CPAP: variants seen among roughly 807,000 people sequenced by gnomAD.
CPAP encodes centrosome assembly and centriole elongation protein.
At chr13:24,904,018 A>C in the CPAP span, 1 of 1,614,078 alleles carries the variant, frequency 6.2e-7, no homozygotes, top group South Asian at 1.1e-5. Flanking sequence ...TTTCCAATTC[A>C]ATAATTTTCT....
chr13:24,904,309 A>G, the CPAP span, among the ~76,000 whole-genome samples: 2 of 152,222 alleles, frequency 1.3e-5, no homozygotes, highest in Non-Finnish European at 2.9e-5. Flanking sequence ...AACATGATAC[A>G]TAAAAAGAAA....
At chr13:24,888,636 C>T in the CPAP span, among the ~76,000 whole-genome samples, 2 of 152,150 alleles carry the variant, frequency 1.3e-5, no homozygotes, top group African/African-American at 2.4e-5. Flanking sequence ...GCTGACATGG[C>T]CTGGCATCTT....
chr13:24,902,822 C>T, the CPAP span, among the ~76,000 whole-genome samples: 1 of 152,162 alleles, frequency 6.6e-6, no homozygotes, highest in Admixed American at 6.5e-5. Flanking sequence ...GGGTGAATTT[C>T]AGCATTTGCA....
the CPAP span, among the ~76,000 whole-genome samples, chr13:24,909,469 A>C: frequency 6.6e-6 from 1 of 150,906 alleles, no homozygotes; most frequent in African/African-American, 2.4e-5. Context: ...CAGAGGTTGC[A>C]GTGAGCTGAG....
At chr13:24,893,170 G>A in the CPAP span, among the ~76,000 whole-genome samples, 1 of 152,178 alleles carries the variant, frequency 6.6e-6, no homozygotes, top group Non-Finnish European at 1.5e-5. Context: ...GCTATTAACT[G>A]AAAGGGATCC....
the CPAP span, chr13:24,882,403 T>A: frequency 2.0e-5 from 3 of 152,190 alleles, no homozygotes; most frequent in African/African-American, 7.2e-5. Flanking sequence ...TGTAATTATT[T>A]ATTATATAAA....
At chr13:24,920,490 A>G in the CPAP span, among the ~76,000 whole-genome samples, 89 of 152,302 alleles carry the variant, frequency 5.8e-4, no homozygotes, top group African/African-American at 2.1e-3. Flanking sequence ...TGCCAATGTG[A>G]TGTACATTTT....
the CPAP span, among the ~76,000 whole-genome samples, chr13:24,932,231 G>A: frequency 6.6e-6 from 1 of 152,244 alleles, no homozygotes; most frequent in Admixed American, 6.5e-5. Context: ...CTTTCTTTGA[G>A]GGAGGCTGTT....
the CPAP span, chr13:24,885,423 C>CTCTT: frequency 7.0e-7 from 1 of 1,428,322 alleles, no homozygotes; most frequent in Non-Finnish European, 9.9e-7. Flanking sequence ...CTAAAACCTA[C>CTCTT]TCTTACTTCC....
chr13:24,892,440 C>T, the CPAP span, among the ~76,000 whole-genome samples: 2 of 152,144 alleles, frequency 1.3e-5, no homozygotes, highest in Non-Finnish European at 1.5e-5. Context: ...AGGATATCTG[C>T]GGTGTAGTGC....
At chr13:24,893,912 G>A in the CPAP span, among the ~76,000 whole-genome samples, 1 of 152,178 alleles carries the variant, frequency 6.6e-6, no homozygotes, top group Non-Finnish European at 1.5e-5. Flanking sequence ...GGGACAGTGG[G>A]AGGGTGATGG....
the CPAP span, chr13:24,899,279 T>G: frequency 1.5e-6 from 1 of 675,980 alleles, no homozygotes. Context: ...TGATACACTG[T>G]CTCAGACAGA....
the CPAP span, chr13:24,909,667 G>A: frequency 1.1e-6 from 1 of 921,732 alleles, no homozygotes; most frequent in African/African-American, 1.7e-5. Flanking sequence ...AGTCCAGCCT[G>A]AGCAACACGG....
chr13:24,905,783 C>T, the CPAP span: 2 of 1,614,066 alleles, frequency 1.2e-6, no homozygotes, highest in African/African-American at 2.7e-5. Context: ...ATCAACATCT[C>T]TCCTTTTATC....
chr13:24,897,766 G>A, the CPAP span, among the ~76,000 whole-genome samples: 1 of 152,162 alleles, frequency 6.6e-6, no homozygotes, highest in African/African-American at 2.4e-5. Context: ...GCTGCCTCGA[G>A]AGGTGAATTA....
the CPAP span, chr13:24,906,101 T>C: frequency 5.0e-6 from 8 of 1,612,696 alleles, no homozygotes; most frequent in African/African-American, 2.7e-5. Flanking sequence ...ACTCTCCTTC[T>C]CACGTGCAGT....
the CPAP span, chr13:24,906,996 T>C: frequency 6.2e-7 from 1 of 1,601,300 alleles, no homozygotes; most frequent in Non-Finnish European, 8.5e-7. Flanking sequence ...TTAATTTTGG[T>C]ATATCCAAGT....
At chr13:24,890,917 C>T in the CPAP span, among the ~76,000 whole-genome samples, 1 of 152,206 alleles carries the variant, frequency 6.6e-6, no homozygotes, top group Middle Eastern at 3.4e-3. Context: ...ATATTTTCCT[C>T]TCCACTGAGT....
At chr13:24,883,098 TTAAAC>T in the CPAP span, 8 of 1,274,430 alleles carry the variant, frequency 6.3e-6, no homozygotes, top group Non-Finnish European at 8.0e-6. Flanking sequence ...ACACAATAAA[TTAAAC>T]AGAATCCACA....
Sources: gnomAD v4.1 joint callset for allele counts (sites outside exome capture counted in the v4.1 genomes callset) on GRCh38, gnomAD v4.1.1 for gene constraint, MANE v1.5 for transcripts, NCBI Gene and HGNC (gene_info 2026-07-23, HGNC 2026-07-21) for gene names.